TMEM63C: variants seen among roughly 807,000 people sequenced by gnomAD.
The protein encoded by TMEM63C is osmosensitive cation channel TMEM63C.
Under a neutral mutation model 99.2 loss-of-function variants are expected in TMEM63C, and 32 were observed. The ratio of observed to expected loss-of-function variants is 0.32; its 90% CI spans 0.24 to 0.43. The LOEUF (loss-of-function observed/expected upper bound fraction) is 0.43, where lower values mean the gene tolerates loss of function less well. Ranked by LOEUF, TMEM63C falls within the 20% of genes least tolerant of loss-of-function variation. The probability of loss-of-function intolerance (pLI) is 1.00; values close to 1 mark genes in which losing one functional copy is unlikely to be tolerated. For missense variants in TMEM63C, 826 were observed against 1,053.0 expected, an observed-to-expected ratio of 0.78 and a Z score of 2.98; for synonymous variants, 376 against 397.9, an observed-to-expected ratio of 0.94 and a Z score of 0.66.
chr14:77,215,614 A>AAAAAAAAAGAAAAGAAAAGAAAAG (rs772701077), intron 2 of TMEM63C, among the ~76,000 whole-genome samples: 4 of 76,532 alleles, frequency 5.2e-5, no homozygotes, highest in African/African-American at 1.7e-4. Context: ...AAAAAAAAAA[A>AAAAAAAAAGAAAAGAAAAGAAAAG]AAAAGAAAAG....
chr14:77,225,884 T>G (rs1201398398), intron 6 of TMEM63C, among the ~76,000 whole-genome samples: 1 of 151,462 alleles, frequency 6.6e-6, no homozygotes, highest in Non-Finnish European at 1.5e-5. Flanking sequence ...TCGGCCTCAG[T>G]GCCTGGAGAG....
chr14:77,241,527 A>T (rs1045843807), intron 13 of TMEM63C, among the ~76,000 whole-genome samples: 2 of 151,980 alleles, frequency 1.3e-5, no homozygotes, highest in Non-Finnish European at 2.9e-5. Context: ...TTTCTGGGGG[A>T]GGCTGATCCT....
At chr14:77,214,210 T>C (rs1264582899) in intron 2 of TMEM63C, among the ~76,000 whole-genome samples, 3 of 152,150 alleles carry the variant, frequency 2.0e-5, no homozygotes, top group Admixed American at 6.5e-5. Context: ...GATGAACACA[T>C]CCTAACACTC....
chr14:77,229,350 T>A (rs1172434752), intron 6 of TMEM63C, among the ~76,000 whole-genome samples: 1 of 152,008 alleles, frequency 6.6e-6, no homozygotes, highest in Non-Finnish European at 1.5e-5. Context: ...TGAGCCAAGA[T>A]CATGTCACGC....
intron 9 of TMEM63C, 139 bp from the exon 10 acceptor site, chr14:77,238,555 G>T: frequency 1.5e-6 from 1 of 682,894 alleles, no homozygotes; most frequent in Non-Finnish European, 2.5e-6. Flanking sequence ...TGGCTTTCTT[G>T]GCTCTCTCAG....
rs1181586754 is a variant in TMEM63C, at chr14:77,253,292, C to T, written c.2149-13C>T. On this transcript the variant is annotated splice_polypyrimidine_tract_variant and intron_variant, in intron 22 of 23. Coordinates refer to ENST00000298351, the MANE Select transcript of TMEM63C (RefSeq NM_020431.4). ...GCAGGCCTCCTGTAACCCACCACCT[C>T]TCCCTGCTGCAGCCCGAGGAGGAGG... is the stretch of plus-strand genomic sequence containing the variant. 2 of 1,611,614 alleles carry T rather than the reference C, an allele frequency of 1.2e-6. No homozygotes were observed. Among genetic ancestry groups the T allele is most frequent in the South Asian group, 2.2e-5 (2 of 90,206 alleles).
chr14:77,228,277 C>T (rs1255006244), intron 6 of TMEM63C, among the ~76,000 whole-genome samples: 2 of 152,118 alleles, frequency 1.3e-5, no homozygotes, highest in African/African-American at 4.8e-5. Flanking sequence ...GCTCTCAGTG[C>T]CATCCAGTCC....
At chr14:77,248,319 G>T in intron 18 of TMEM63C, 28 bp from the exon 19 acceptor site, 1 of 1,573,334 alleles carries the variant, frequency 6.4e-7, no homozygotes, top group African/African-American at 1.4e-5. Context: ...GGCTTCTGTT[G>T]CCACCTTCCC....
At chr14:77,202,719 G>GACTCTAT (rs1888318452) in intron 1 of TMEM63C, among the ~76,000 whole-genome samples, 1 of 151,978 alleles carries the variant, frequency 6.6e-6, no homozygotes, top group Non-Finnish European at 1.5e-5. Flanking sequence ...TTCCAAACAA[G>GACTCTAT]GTCACATTCC....
At chr14:77,220,748 G>T (rs1264540590) in intron 5 of TMEM63C, among the ~76,000 whole-genome samples, 1 of 151,728 alleles carries the variant, frequency 6.6e-6, no homozygotes, top group Non-Finnish European at 1.5e-5. Context: ...ACATTTCGGC[G>T]GGGCCCTGAA....
At chr14:77,251,300 A>G (rs1356465807) in intron 21 of TMEM63C, among the ~76,000 whole-genome samples, 4 of 152,260 alleles carry the variant, frequency 2.6e-5, no homozygotes, top group Admixed American at 6.5e-5. Context: ...ACCTAGTTAG[A>G]AAACTGCTGC....
At chr14:77,248,265 C>G in intron 18 of TMEM63C, 82 bp from the exon 19 acceptor site, 69 of 1,226,194 alleles carry the variant, frequency 5.6e-5, no homozygotes, top group Middle Eastern at 2.1e-4. Context: ...CCCTCTGCTG[C>G]TCTCCTCTCT....
At position 77,235,107 on chromosome 14, in the gene TMEM63C, G is replaced by A. The variant is rs928904686; in HGVS notation, c.543-1517G>A. On this transcript the variant is annotated intron_variant, in intron 8 of 23. Coordinates refer to ENST00000298351, the MANE Select transcript of TMEM63C (RefSeq NM_020431.4). ...AGTCTAGTGAGAAAATGCACACCAT[G>A]CACTAAGTCCCACTTGGATCTGGCT... is the stretch of plus-strand genomic sequence containing the variant. Among the ~76,000 whole-genome samples the A allele has an allele frequency of 4.6e-5, 7 of 152,052 alleles. No individual in the cohort carries two copies. The East Asian group carries it at 1.4e-3, about 30-fold the overall frequency.
chr14:77,246,568 A>T (rs773024084), intron 17 of TMEM63C, 41 bp from the exon 18 acceptor site: 1 of 1,573,408 alleles, frequency 6.4e-7, no homozygotes. Context: ...CTTAGCTCAT[A>T]GGTTTGCTAA....
intron 1 of TMEM63C, among the ~76,000 whole-genome samples, chr14:77,206,320 C>T (rs971476130): frequency 2.6e-5 from 4 of 152,186 alleles, no homozygotes; most frequent in Non-Finnish European, 4.4e-5. Flanking sequence ...AGTCCTCTTC[C>T]TGATCTCTGC....
chr14:77,237,595 T>A (rs1889084396), intron 9 of TMEM63C, among the ~76,000 whole-genome samples: 1 of 152,350 alleles, frequency 6.6e-6, no homozygotes, highest in Non-Finnish European at 1.5e-5. Flanking sequence ...GTGGGTATTT[T>A]CCACCAGCTC....
Position 77,245,972 on chromosome 14 carries a change from G to C in TMEM63C, c.1481G>C (p.Cys494Ser). 6.2e-7 allele frequency: 1 copy of C among 1,614,006 alleles called. No individual in the cohort carries two copies. The highest frequency in any genetic ancestry group is 8.5e-7 in the Non-Finnish European group (1 of 1,179,878). ...CAGAATCTGGTCATGGTGCACAAGT[G>C]CTACATCTTTCTGGTGTTCATGGTA... is the stretch of plus-strand genomic sequence containing the variant. Reference protein sequence around the residue: ...SSQNLVMVHKCYIFLVFMVVI... With the variant: ...SSQNLVMVHKSYIFLVFMVVI... The change falls in exon 17 of 24, where the codon TGC becomes TCC. Residue 494 changes from cysteine (C) to serine (S), a missense_variant. Cys to Ser is a moderately radical substitution (Grantham distance 112). Coordinates refer to ENST00000298351, the MANE Select transcript of TMEM63C (RefSeq NM_020431.4).
rs185758678 is a variant in TMEM63C, at chr14:77,243,187, G to A, written c.1341+131G>A. The stretch of plus-strand genomic sequence containing the variant: ...ATACAGTGCGAACATTGTGGAGGTG[G>A]CCATGGTGCAAATGGCGGGGTAGGG... On this transcript the variant is annotated intron_variant, in intron 15 of 23. Coordinates refer to ENST00000298351, the MANE Select transcript of TMEM63C (RefSeq NM_020431.4). 177 of 1,129,926 alleles carry A rather than the reference G, an allele frequency of 1.6e-4. No individual in the cohort carries two copies. In the African/African-American group the frequency reaches 2.5e-3, roughly 16 times the overall value. 70.0% of individuals were successfully genotyped at this position (1,129,926 alleles called of 1,614,324 possible). A position where few individuals can be genotyped will look rare whatever the true frequency, so the allele number is the denominator to read the frequency against.
At chr14:77,226,905 T>C (rs1380355867) in intron 6 of TMEM63C, among the ~76,000 whole-genome samples, 1 of 152,008 alleles carries the variant, frequency 6.6e-6, no homozygotes, top group East Asian at 1.9e-4. Flanking sequence ...GTAGCTGGGA[T>C]TAGAGGCACG....
Sources: allele counts gnomAD v4.1 joint callset (sites outside exome capture counted in the v4.1 genomes callset), GRCh38; gene constraint gnomAD v4.1.1; transcripts MANE v1.5; gene names NCBI Gene and HGNC (gene_info 2026-07-23, HGNC 2026-07-21).